Variants in MYBPC1 observed in about 807,000 individuals in gnomAD.
MYBPC1 encodes the protein myosin binding protein C1, also known as myosin-binding protein C, slow-type.
A neutral mutation model predicts 147.1 loss-of-function variants in MYBPC1; 52 were observed. That is an observed-to-expected ratio of 0.35 (90% confidence interval 0.28 to 0.45). The LOEUF (loss-of-function observed/expected upper bound fraction) is 0.45, where lower values mean the gene tolerates loss of function less well. Among genes scored for constraint, MYBPC1 ranks in the 20% least tolerant of loss-of-function variants. MYBPC1 has a pLI of 1.00. For missense variants in MYBPC1, 1,228 were observed against 1,440.3 expected, an observed-to-expected ratio of 0.85 and a Z score of 2.39; for synonymous variants, 477 against 475.9, an observed-to-expected ratio of 1.00 and a Z score of -0.03.
chr12:101,602,363 C>T (rs61937489), intron 1 of MYBPC1, among the ~76,000 whole-genome samples: 19,345 of 152,058 alleles, frequency 0.13, 1,398 homozygotes, highest in African/African-American at 0.15. Context: ...TACAGGCATG[C>T]GCCACCACGC....
chr12:101,636,643 C>G, intron 9 of MYBPC1, 29 bp from the exon 10 acceptor site: 1 of 1,608,484 alleles, frequency 6.2e-7, no homozygotes, highest in Non-Finnish European at 8.5e-7. Context: ...GCATTAAACC[C>G]AGATTTGCTT....
intron 21 of MYBPC1, 48 bp downstream of exon 21, chr12:101,662,594 G>T: frequency 1.3e-6 from 2 of 1,592,900 alleles, no homozygotes; most frequent in Non-Finnish European, 1.7e-6. Flanking sequence ...TTGCCCCAGA[G>T]TATGACTGCT....
intron 1 of MYBPC1, among the ~76,000 whole-genome samples, chr12:101,597,068 T>A (rs1378066625): frequency 6.6e-6 from 1 of 152,238 alleles, no homozygotes; most frequent in Non-Finnish European, 1.5e-5. Flanking sequence ...CTTAGTGAAA[T>A]AATTGCATTT....
rs1406503219 is a variant in MYBPC1 at position 101,642,486 on chromosome 12, A to G, written c.733A>G (p.Ser245Gly). 1.2e-6 allele frequency: 2 copies of G among 1,614,094 alleles called. No individual in the cohort carries two copies. Among genetic ancestry groups the G allele is most frequent in the Non-Finnish European group, 1.7e-6 (2 of 1,180,020 alleles). ...VWELLKNAKP[S>G]EYEKIAFQYG... ...GGAGTTGCTGAAGAACGCGAAACCCAGTGAGTACGAGAAGATCGCCTTCCA... is the reference window on the plus strand; with the variant it reads ...GGAGTTGCTGAAGAACGCGAAACCCGGTGAGTACGAGAAGATCGCCTTCCA... Residue 245 changes from serine to glycine, a missense_variant, in exon 11 of 32, where the codon AGT (serine) becomes GGT (glycine). This residue lies in a region of MYBPC1 where 1,077 missense variants were observed against 1,314.2 expected (regional missense o/e 0.82). Coordinates refer to ENST00000361466, the MANE Select transcript of MYBPC1 (RefSeq NM_002465.4).
intron 23 of MYBPC1, among the ~76,000 whole-genome samples, chr12:101,669,542 G>T (rs1594022323): frequency 6.6e-6 from 1 of 152,132 alleles, no homozygotes; most frequent in African/African-American, 2.4e-5. Flanking sequence ...CTAACATTTT[G>T]TTTTTTTCTG....
At chr12:101,644,182 A>G (rs1159494913) in intron 11 of MYBPC1, among the ~76,000 whole-genome samples, 4 of 151,942 alleles carry the variant, frequency 2.6e-5, no homozygotes, top group African/African-American at 9.7e-5. Context: ...GATTACAGGC[A>G]TGCACCACCA....
chr12:101,599,966 T>C (rs571829426), intron 1 of MYBPC1, among the ~76,000 whole-genome samples: 1 of 152,228 alleles, frequency 6.6e-6, no homozygotes, highest in South Asian at 2.1e-4. Flanking sequence ...AGCCTGCTTT[T>C]ATGACTGCTC....
At chr12:101,647,021 G>T (rs1474232420) in intron 13 of MYBPC1, 134 bp downstream of exon 13, 2 of 1,177,096 alleles carry the variant, frequency 1.7e-6, no homozygotes, top group African/African-American at 3.0e-5. Flanking sequence ...CTTCTGGTTT[G>T]TTGAAGACTA....
At chr12:101,604,340 T>C (rs1881309323) in intron 1 of MYBPC1, among the ~76,000 whole-genome samples, 2 of 152,158 alleles carry the variant, frequency 1.3e-5, no homozygotes, top group South Asian at 4.1e-4. Flanking sequence ...ATTCCAAAGG[T>C]TGAATAATGA....
At chr12:101,658,744 A>G (rs1054952416) in intron 18 of MYBPC1, among the ~76,000 whole-genome samples, 2 of 152,226 alleles carry the variant, frequency 1.3e-5, no homozygotes, top group African/African-American at 2.4e-5. Flanking sequence ...TTTGGCTGAT[A>G]TGAGGAAATT....
intron 27 of MYBPC1, among the ~76,000 whole-genome samples, chr12:101,677,769 C>T (rs1279180844): frequency 6.6e-6 from 1 of 152,134 alleles, no homozygotes; most frequent in Non-Finnish European, 1.5e-5. Context: ...AAATTCTATC[C>T]TTATCTTTTC....
At position 101,644,732 on chromosome 12, in the gene MYBPC1, C is replaced by G. The variant is rs1288396399; in HGVS notation, c.901C>G (p.Leu301Val). The G allele has an allele frequency of 6.2e-7, 1 of 1,613,916 alleles. No individual in the cohort carries two copies. The highest frequency in any genetic ancestry group is 1.3e-5 in the African/African-American group (1 of 74,934). Residue 301 changes from leucine (L) to valine (V), a missense_variant, in exon 12 of 32, where the codon CTG (leucine) becomes GTG (valine). Leu to Val is a conservative substitution (Grantham distance 32, BLOSUM62 1). Transcript: ENST00000361466. The part of the protein sequence containing the change: ...KGGRVRFVVE[L>V]ADPKLEVKWY... ...AGGCAGAGTGAGGTTTGTTGTGGAG[C>G]TGGCAGATCCAAAGTTGGAGGTGAA...
At chr12:101,621,743 G>T (rs762283723) in intron 3 of MYBPC1, among the ~76,000 whole-genome samples, 1 of 152,120 alleles carries the variant, frequency 6.6e-6, no homozygotes, top group Non-Finnish European at 1.5e-5. Flanking sequence ...GGTAGGAGTT[G>T]CTTTATGCCC....
rs896918183 is a variant in MYBPC1, at chr12:101,642,719, T to G, written c.832+134T>G. The G allele has an allele frequency of 5.5e-6, 5 of 914,882 alleles. No homozygotes were observed. In the African/African-American group the frequency reaches 6.6e-5, roughly 12 times the overall value. The allele number at this position is 914,882 out of a possible 1,614,324, so 56.7% of individuals were successfully genotyped here. On this transcript the variant is annotated intron_variant, in intron 11 of 31. Transcript: ENST00000361466. The stretch of plus-strand genomic sequence containing the variant: ...TGGGGCTGGGTAGGAGTGCAGGGGT[T>G]ACGCTTGTCTAGACGGACAGCTCCT...
chr12:101,677,141 A>G (rs951713481), intron 26 of MYBPC1, 94 bp from the exon 27 acceptor site: 3 of 1,278,426 alleles, frequency 2.3e-6, no homozygotes, highest in Non-Finnish European at 3.3e-6. Context: ...CTTTTTGTTA[A>G]TAAAGCATCC....
Position 101,675,399 on chromosome 12 carries a change from T to C in MYBPC1, c.2917T>C (p.Tyr973His), listed in dbSNP as rs1428428216. 1.2e-6 allele frequency: 2 copies of C among 1,614,186 alleles called. No homozygotes were observed. The highest frequency in any genetic ancestry group is 1.7e-6 in the Non-Finnish European group (2 of 1,180,014). Residue 973 changes from tyrosine to histidine, a missense_variant, in exon 26 of 32, where the codon TAT becomes CAT. Around this residue, in one of 2 missense-constraint regions of MYBPC1, gnomAD observed 1,077 missense variants for 1,314.2 expected, o/e 0.82. Transcript: ENST00000361466. ...KDDGNAAITG[Y>H]TIQKADKKSM... is the part of the protein sequence containing the mutation. The stretch of plus-strand genomic sequence containing the variant: ...TGATGGAAATGCTGCTATCACAGGC[T>C]ATACCATTCAGAAGGCTGACAAGAA...
At chr12:101,665,582 C>G (rs1278515732) in intron 22 of MYBPC1, among the ~76,000 whole-genome samples, 7 of 152,110 alleles carry the variant, frequency 4.6e-5, no homozygotes, top group Admixed American at 2.0e-4. Context: ...AAATTCTCCT[C>G]ACATGTTAAA....
intron 29 of MYBPC1, 83 bp downstream of exon 29, chr12:101,680,612 C>T: frequency 1.3e-6 from 2 of 1,553,610 alleles, no homozygotes; most frequent in Non-Finnish European, 1.8e-6. Context: ...TGTTCTTAAT[C>T]CAAATTGCTT....
chr12:101,684,013 T>G (rs1951194732), intron 30 of MYBPC1, among the ~76,000 whole-genome samples: 1 of 152,188 alleles, frequency 6.6e-6, no homozygotes, highest in South Asian at 2.1e-4. Flanking sequence ...TGTTTTTCTT[T>G]TGTTGAAAAA....
Sources: allele counts gnomAD v4.1 joint callset (sites outside exome capture counted in the v4.1 genomes callset), GRCh38; gene constraint gnomAD v4.1.1; regional missense constraint gnomAD v4.1.1; transcripts MANE v1.5; gene names NCBI Gene and HGNC (gene_info 2026-07-23, HGNC 2026-07-21).